Variants in GRK6 observed in about 807,000 individuals in gnomAD.
The protein encoded by GRK6 is G protein-coupled receptor kinase 6.
A neutral mutation model predicts 80.8 loss-of-function variants in GRK6; 37 were observed. The observed-to-expected ratio is 0.46, with a 90% CI of 0.35 to 0.60. The LOEUF is 0.60. Among genes scored for constraint, GRK6 ranks in the 20% least tolerant of loss-of-function variants. GRK6 has a pLI of 0.00. For synonymous variants in GRK6, 295 were observed against 320.9 expected (o/e 0.92, Z 0.86); for missense variants, 560 against 784.6 (o/e 0.71, Z 3.42).
Position 177,429,787 on chromosome 5 carries a change from T to C in GRK6, c.53-1085T>C, listed in dbSNP as rs1459620403. Reference sequence around the variant, plus strand: ...AAGGTTGCCATGGCGTTGTTGGAGTTGGGGTTCACCTCTTGACTCAGCCCT... The same window carrying C: ...AAGGTTGCCATGGCGTTGTTGGAGTCGGGGTTCACCTCTTGACTCAGCCCT... On this transcript the variant is annotated intron_variant, in intron 1 of 15. Transcript: ENST00000355472. The surrounding 1 kb of genome is among the most constrained non-coding windows in gnomAD (Gnocchi z 4.3). Among the ~76,000 whole-genome samples the C allele has an allele frequency of 6.6e-6, 1 of 152,186 alleles. No individual in the cohort carries two copies. Among genetic ancestry groups the C allele is most frequent in the Non-Finnish European group, 1.5e-5 (1 of 68,022 alleles).
intron 11 of GRK6, among the ~76,000 whole-genome samples, chr5:177,435,347 T>C (rs887878965): frequency 2.0e-5 from 3 of 152,258 alleles, no homozygotes; most frequent in Non-Finnish European, 4.4e-5. Flanking sequence ...AACCCTGCTA[T>C]GGCTGAGCCT....
chr5:177,436,243 G>C lies in GRK6; in HGVS notation c.1228G>C (p.Glu410Gln), dbSNP rs200401278. Residue 410 changes from glutamate to glutamine, a missense_variant, in exon 12 of 16, where the codon GAG (glutamate) becomes CAG (glutamine). Coordinates refer to ENST00000355472, the MANE Select transcript of GRK6 (RefSeq NM_001004106.3). ...LVKEVPEEYS[E>Q]RFSPQARSLC... is the part of the protein sequence containing the mutation. The stretch of plus-strand genomic sequence containing the variant: ...GAAGGAGGTCCCCGAGGAGTATTCC[G>C]AGCGCTTTTCCCCGCAGGCCCGCTC... 6.2e-7 allele frequency: 1 copy of C among 1,613,956 alleles called. No individual in the cohort carries two copies. Among genetic ancestry groups the C allele is most frequent in the African/African-American group, 1.3e-5 (1 of 74,932 alleles).
At chr5:177,426,495 TG>T (rs958275768), upstream of GRK6, 2 of 151,772 alleles carry the variant, frequency 1.3e-5, no homozygotes, top group African/African-American at 2.4e-5. Context: ...AGAGGTGACG[TG>T]ATTGGTCCCG....
intron 5 of GRK6, 134 bp from the exon 6 acceptor site, chr5:177,433,013 G>T: frequency 1.2e-6 from 1 of 821,814 alleles, no homozygotes; most frequent in East Asian, 2.6e-5. Flanking sequence ...CCCCGCTCAG[G>T]GGTTAGCAGG....
At chr5:177,434,148 C>T in intron 9 of GRK6, 44 bp downstream of exon 9, 2 of 1,477,044 alleles carry the variant, frequency 1.4e-6, no homozygotes, top group East Asian at 2.4e-5. Context: ...CCTTCCCTGC[C>T]AGCGACTGCA....
At chr5:177,431,319 A>AC (rs991578847) in intron 2 of GRK6, among the ~76,000 whole-genome samples, 1 of 151,926 alleles carries the variant, frequency 6.6e-6, no homozygotes, top group Non-Finnish European at 1.5e-5. Context: ...CTGCCTTGGG[A>AC]CCCCCAGGCT....
In GRK6 at chr5:177,436,124, C is replaced by T. The variant is rs769672004; in HGVS notation, c.1109C>T (p.Ala370Val). The change falls in exon 12 of 16, where the codon GCG (alanine) becomes GTG (valine). Residue 370 changes from alanine (A) to valine (V), a missense_variant. Physicochemically the swap from Ala to Val is moderately conservative, Grantham distance 64. Coordinates refer to ENST00000355472, the MANE Select transcript of GRK6 (RefSeq NM_001004106.3). ...TACACGTTCAGCCCTGACTGGTGGG[C>T]GCTCGGCTGCCTCCTGTACGAGATG... ...ERYTFSPDWW[A>V]LGCLLYEMIA... 3.7e-6 allele frequency: 6 copies of T among 1,613,968 alleles called. No homozygotes were observed. The highest frequency in any genetic ancestry group is 1.3e-5 in the African/African-American group (1 of 74,932).
intron 15 of GRK6, chr5:177,441,302 CG>C: frequency 6.4e-7 from 1 of 1,551,210 alleles, no homozygotes; most frequent in Non-Finnish European, 8.7e-7. Flanking sequence ...CGGGGAGCCA[CG>C]GGCAGCCCTT....
rs1182336887 is a variant in GRK6 at position 177,429,184 on chromosome 5, G to A, written c.53-1688G>A. On this transcript the variant is annotated intron_variant, in intron 1 of 15. Coordinates refer to ENST00000355472, the MANE Select transcript of GRK6 (RefSeq NM_001004106.3). The surrounding 1 kb of genome is among the most constrained non-coding windows in gnomAD (Gnocchi z 4.3). Reference sequence around the variant, plus strand: ...TTGGGCCTGCTCTGGCAGAGTTGCTGTGAGGATGGAGTGGGACAACGCTGG... The same window carrying A: ...TTGGGCCTGCTCTGGCAGAGTTGCTATGAGGATGGAGTGGGACAACGCTGG... Among the ~76,000 whole-genome samples, 1 of 152,138 alleles carries A rather than the reference G, an allele frequency of 6.6e-6. No individual in the cohort carries two copies. The highest frequency in any genetic ancestry group is 1.5e-5 in the Non-Finnish European group (1 of 68,030).
chr5:177,430,417 GGGGC>G (rs1763837596), intron 1 of GRK6, among the ~76,000 whole-genome samples: 1 of 152,210 alleles, frequency 6.6e-6, no homozygotes, highest in African/African-American at 2.4e-5. Flanking sequence ...TCTCTGATGT[GGGGC>G]CTGGTGATAG....
At position 177,433,430 on chromosome 5, in the gene GRK6, C is replaced by G. The variant is rs780804124; in HGVS notation, c.597+20C>G. The G allele has an allele frequency of 1.9e-6, 3 of 1,612,028 alleles. No homozygotes were observed. The highest frequency in any genetic ancestry group is 4.5e-5 in the East Asian group (2 of 44,846). On this transcript the variant is annotated intron_variant, in intron 7 of 15. Coordinates refer to ENST00000355472, the MANE Select transcript of GRK6 (RefSeq NM_001004106.3). ...GGGGAGGTGAGTGGCCAGGCCAGAG[C>G]CCCTGGGAGAGTGAATAGGGTGGGT...
chr5:177,441,069 G>A lies in GRK6; in HGVS notation c.1677+16G>A, dbSNP rs746120740. 14 of 1,611,950 alleles carry A rather than the reference G, an allele frequency of 8.7e-6. No homozygotes were observed. The highest frequency in any genetic ancestry group is 6.7e-5 in the African/African-American group (5 of 74,898). ...CAGTCGCCAAGTAAGCCCCAGCAGC[G>A]GCCTACCTGGGCCCCTAACCTGGCT... is the stretch of plus-strand genomic sequence containing the variant. On this transcript the variant is annotated intron_variant, in intron 15 of 15. Transcript: ENST00000355472.
chr5:177,435,690 G>A (rs1196013513), intron 11 of GRK6, among the ~76,000 whole-genome samples: 2 of 152,232 alleles, frequency 1.3e-5, no homozygotes, highest in African/African-American at 4.8e-5. Flanking sequence ...GCCCTGGCAG[G>A]TAGGAGGTAT....
chr5:177,435,288 GC>G (rs1764093390), intron 11 of GRK6, among the ~76,000 whole-genome samples, 167 bp downstream of exon 11: 2 of 152,242 alleles, frequency 1.3e-5, no homozygotes, highest in Admixed American at 1.3e-4. Flanking sequence ...CTCAGCCGGG[GC>G]CGCACACAGT....
intron 5 of GRK6, 143 bp downstream of exon 5, chr5:177,432,949 C>A (rs1173311757): frequency 2.5e-6 from 2 of 790,212 alleles, no homozygotes; most frequent in South Asian, 1.7e-5. Context: ...GTGACCTGAG[C>A]AGGCTGCCTC....
intron 11 of GRK6, among the ~76,000 whole-genome samples, chr5:177,435,637 G>A (rs574906487): frequency 1.2e-4 from 18 of 152,342 alleles, no homozygotes; most frequent in East Asian, 1.2e-3. Context: ...GGGCTGCCTG[G>A]AAGATGAAAA....
chr5:177,430,938 G>C lies in GRK6; in HGVS notation c.119G>C (p.Ser40Thr). The change falls in exon 2 of 16, where the codon AGC becomes ACC. Residue 40 changes from serine (S) to threonine (T), a missense_variant. Transcript: ENST00000355472. ...CAGATGCTCCAGTTCCCTCACATCA[G>C]CCAGTGCGAAGAGCTGCGGCTCAGC... is the stretch of plus-strand genomic sequence containing the variant. ...WRQMLQFPHI[S>T]QCEELRLSLE... The C allele has an allele frequency of 3.7e-6, 6 of 1,613,918 alleles. No homozygotes were observed. Among genetic ancestry groups the C allele is most frequent in the Non-Finnish European group, 5.1e-6 (6 of 1,179,954 alleles).
In GRK6 at chr5:177,437,864, C is replaced by T. The variant is rs73804344; in HGVS notation, c.1404+1334C>T. ...GTTCACCAGGAACACTGGAGAGGCC[C>T]GAAGGATGGGCAGGGCAGGCCAGGT... is the stretch of plus-strand genomic sequence containing the variant. On this transcript the variant is annotated intron_variant, in intron 13 of 15. Transcript: ENST00000355472. Among the ~76,000 whole-genome samples, 854 of 152,318 alleles carry T rather than the reference C, an allele frequency of 5.6e-3. 10 individuals carry two copies. The highest frequency in any genetic ancestry group is 0.019 in the African/African-American group (799 of 41,560).
At chr5:177,432,332 G>T (rs370114975) in intron 4 of GRK6, 22 bp downstream of exon 4, 505 of 1,607,440 alleles carry the variant, frequency 3.1e-4, no homozygotes, top group Non-Finnish European at 3.9e-4. Flanking sequence ...GCGATGGAGA[G>T]ATGATGGGAG....
Sources: gnomAD v4.1 joint callset for allele counts (sites outside exome capture counted in the v4.1 genomes callset) on GRCh38, gnomAD v4.1.1 for gene constraint, Gnocchi (gnomAD v3.1) non-coding constraint, MANE v1.5 for transcripts, NCBI Gene and HGNC (gene_info 2026-07-23, HGNC 2026-07-21) for gene names.